GMCL1: variants seen among roughly 807,000 people sequenced by gnomAD.
GMCL1 encodes germ cell-less protein-like 1.
GMCL1 carries 54 observed loss-of-function variants against 75.5 expected under a neutral mutation model. The ratio of observed to expected loss-of-function variants is 0.71; its 90% CI spans 0.57 to 0.90. GMCL1 has a LOEUF of 0.90. GMCL1 is among the 40% of genes least tolerant of loss of function. GMCL1 has a pLI of 0.00. For missense variants in GMCL1, 537 were observed against 622.7 expected (o/e 0.86, Z 1.47); for synonymous variants, 210 against 209.6 (o/e 1.00, Z -0.02).
rs758084161 is a variant in GMCL1, at chr2:69,878,877, A to G, written c.1453-32A>G. 8 of 1,442,888 alleles carry G rather than the reference A, an allele frequency of 5.5e-6. No homozygotes were observed. The African/African-American group carries it at 1.1e-4, about 20-fold the overall frequency. 89.4% of individuals were successfully genotyped at this position (1,442,888 alleles called of 1,614,324 possible). On this transcript the variant is annotated intron_variant, in intron 13 of 13. Coordinates refer to ENST00000282570, the MANE Select transcript of GMCL1 (RefSeq NM_178439.5). ...TGGTTTTTTGTTTTTATTTTATCTA[A>G]TTGTCATTGAATCTACAAATCTGTC...
At chr2:69,836,431 G>C (rs4401231) in intron 1 of GMCL1, among the ~76,000 whole-genome samples, 92,213 of 152,030 alleles carry the variant, frequency 0.61, 30,680 homozygotes, top group African/African-American at 0.88. Context: ...TCTTGATTTC[G>C]CATCATAACG....
intron 3 of GMCL1, among the ~76,000 whole-genome samples, chr2:69,839,836 A>AT (rs57110869): frequency 2.3e-3 from 342 of 148,784 alleles, no homozygotes; most frequent in African/African-American, 7.8e-3. Context: ...AAGTATGACC[A>AT]TTTTTTTTTT....
At chr2:69,834,879 CTTTTT>C (rs998905107) in intron 1 of GMCL1, among the ~76,000 whole-genome samples, 1 of 151,988 alleles carries the variant, frequency 6.6e-6, no homozygotes, top group African/African-American at 2.4e-5. Context: ...CCTGTCTCTT[CTTTTT>C]TCCTTTCTTT....
chr2:69,842,091 A>T (rs1317219322), intron 4 of GMCL1, among the ~76,000 whole-genome samples: 1 of 152,244 alleles, frequency 6.6e-6, no homozygotes, highest in Non-Finnish European at 1.5e-5. Flanking sequence ...ATTGAAGGAA[A>T]GATGAGTACA....
At chr2:69,875,755 C>T (rs1304835394) in intron 13 of GMCL1, among the ~76,000 whole-genome samples, 1 of 150,992 alleles carries the variant, frequency 6.6e-6, no homozygotes, top group Non-Finnish European at 1.5e-5. Context: ...AATGCAGTGG[C>T]GTGATCTCAG....
At chr2:69,875,478 G>T (rs1345932854) in intron 13 of GMCL1, among the ~76,000 whole-genome samples, 1 of 151,956 alleles carries the variant, frequency 6.6e-6, no homozygotes, top group East Asian at 1.9e-4. Flanking sequence ...TGGGATGTAG[G>T]ATCATTTTAT....
At chr2:69,869,262 A>C in intron 11 of GMCL1, among the ~76,000 whole-genome samples, 1 of 149,386 alleles carries the variant, frequency 6.7e-6, no homozygotes, top group South Asian at 2.1e-4. Flanking sequence ...AAAAAAAAAA[A>C]AAAAAATTAG....
chr2:69,832,076 C>T (rs181188413), intron 1 of GMCL1, among the ~76,000 whole-genome samples: 108 of 152,234 alleles, frequency 7.1e-4, no homozygotes, highest in Non-Finnish European at 1.1e-3. Context: ...TAAAAACTAA[C>T]CAGTCGTGGT....
chr2:69,838,201 G>A (rs542976830), intron 2 of GMCL1, among the ~76,000 whole-genome samples: 1 of 151,944 alleles, frequency 6.6e-6, no homozygotes, highest in African/African-American at 2.4e-5. Context: ...AGCTGACGTG[G>A]TGTTGGGCAC....
At chr2:69,853,648 C>T (rs1675382844) in intron 8 of GMCL1, among the ~76,000 whole-genome samples, 1 of 152,110 alleles carries the variant, frequency 6.6e-6, no homozygotes, top group Admixed American at 6.6e-5. Context: ...GACTAGGGCT[C>T]ATGCACAAAT....
rs774508985 is a variant in GMCL1, at chr2:69,854,892, G to A, written c.1004G>A (p.Arg335Lys). Residue 335 changes from arginine (R) to lysine (K), a missense_variant, in exon 9 of 14, where the codon AGG becomes AAG. Physicochemically the swap from Arg to Lys is conservative, Grantham distance 26. Transcript: ENST00000282570. ...KPFVSVFRHL[R>K]LQYIISDLAS... ...TTTGTGTCAGTATTCAGACATTTAA[G>A]GTTACAATATATTATCAGTGATCTG... The A allele has an allele frequency of 1.9e-6, 3 of 1,610,672 alleles. No homozygotes were observed. The highest frequency in any genetic ancestry group is 1.1e-5 in the South Asian group (1 of 90,712).
At chr2:69,856,639 C>A (rs1429463092) in intron 9 of GMCL1, among the ~76,000 whole-genome samples, 1 of 134,356 alleles carries the variant, frequency 7.4e-6, no homozygotes, top group Admixed American at 8.6e-5. Flanking sequence ...TCTCTTCCCT[C>A]CTTTTTTTTT....
intron 12 of GMCL1, among the ~76,000 whole-genome samples, chr2:69,871,187 G>A (rs190290045): frequency 3.9e-5 from 6 of 152,294 alleles, no homozygotes; most frequent in Admixed American, 3.9e-4. Context: ...ACATTATTTA[G>A]CCTTGAAAAG....
intron 6 of GMCL1, among the ~76,000 whole-genome samples, chr2:69,845,341 G>C (rs1307829335): frequency 1.3e-5 from 2 of 152,242 alleles, no homozygotes; most frequent in Non-Finnish European, 2.9e-5. Context: ...TAGGACCGCA[G>C]TCACCCGTGA....
At chr2:69,832,384 C>T (rs1171133259) in intron 1 of GMCL1, among the ~76,000 whole-genome samples, 1 of 152,210 alleles carries the variant, frequency 6.6e-6, no homozygotes, top group African/African-American at 2.4e-5. Flanking sequence ...GTAAATATGT[C>T]TCCTTGATGA....
chr2:69,835,144 C>T (rs72839879), intron 1 of GMCL1, among the ~76,000 whole-genome samples: 33,561 of 151,910 alleles, frequency 0.22, 4,007 homozygotes, highest in African/African-American at 0.3. Context: ...TCAATTAAAA[C>T]ACCATACATC....
rs1553372489 is a variant in GMCL1 at position 69,859,742 on chromosome 2, T to TTAAAAAAAAAAAAAAAAAAA, written c.1073-1536_1073-1535insTAAAAAAAAAAAAAAAAAAA. On this transcript the variant is annotated intron_variant, in intron 9 of 13. Transcript: ENST00000282570. ...GAGTGAGACCGTGTCTCTCTCTCTC[T>TTAAAAAAAAAAAAAAAAAAA]AAAAAAAAAAAAAAAAGTATATATG... 8.7e-4 allele frequency among the ~76,000 whole-genome samples: 69 copies of TTAAAAAAAAAAAAAAAAAAA among 79,086 alleles called. 1 individual carries two copies. The highest frequency in any genetic ancestry group is 1.3e-3 in the Non-Finnish European group (58 of 43,862). The allele number at this position is 79,086 out of a possible 152,430, so 51.9% of individuals were successfully genotyped here. A position where few individuals can be genotyped will look rare whatever the true frequency, so the allele number is the denominator to read the frequency against.
At chr2:69,851,180 T>G (rs943266015) in intron 8 of GMCL1, among the ~76,000 whole-genome samples, 1 of 152,234 alleles carries the variant, frequency 6.6e-6, no homozygotes, top group South Asian at 2.1e-4. Context: ...CTCATGCCTG[T>G]AATCCCAGCA....
intron 3 of GMCL1, chr2:69,840,254 C>CA (rs1223625880): frequency 6.6e-6 from 1 of 152,022 alleles, no homozygotes; most frequent in Non-Finnish European, 1.5e-5. Context: ...TAAAAAAATA[C>CA]AAAAAATTAG....
Sources: gnomAD v4.1 joint callset for allele counts (sites outside exome capture counted in the v4.1 genomes callset) on GRCh38, gnomAD v4.1.1 for gene constraint, MANE v1.5 for transcripts, NCBI Gene and HGNC (gene_info 2026-07-23, HGNC 2026-07-21) for gene names.